The following RPGRIP1 variants were observed in gnomAD, a reference collection of about 807,000 sequenced individuals.
The protein encoded by RPGRIP1 is RPGR interacting protein 1, also known as X-linked retinitis pigmentosa GTPase regulator-interacting protein 1.
Under a neutral mutation model 157.9 loss-of-function variants are expected in RPGRIP1, and 128 were observed. The observed-to-expected ratio is 0.81, with a 90% CI of 0.70 to 0.94. RPGRIP1 has a LOEUF of 0.94. RPGRIP1 is among the 40% of genes least tolerant of loss of function. The pLI is 0.00. For missense variants in RPGRIP1, 1,486 were observed against 1,545.8 expected (o/e 0.96, Z 0.65); for synonymous variants, 554 against 571.6 (o/e 0.97, Z 0.44).
intron 21 of RPGRIP1, among the ~76,000 whole-genome samples, chr14:21,335,174 G>A (rs1279516995): frequency 6.6e-6 from 1 of 151,860 alleles, no homozygotes; most frequent in African/African-American, 2.4e-5. Context: ...TATGTTTCGT[G>A]TGAATGAAGG....
chr14:21,329,571 G>A (rs1005755753), intron 19 of RPGRIP1, among the ~76,000 whole-genome samples: 1 of 146,176 alleles, frequency 6.8e-6, no homozygotes, highest in Non-Finnish European at 1.5e-5. Context: ...GCATGACCTC[G>A]GCTCACTGCA....
At chr14:21,323,336 C>T (rs141867857) in intron 14 of RPGRIP1, among the ~76,000 whole-genome samples, 3,978 of 151,932 alleles carry the variant, frequency 0.026, 170 homozygotes, top group African/African-American at 0.091. Flanking sequence ...ACAGGAGAAT[C>T]GCTTGAACCC....
chr14:21,345,073 G>A (rs1885425912), intron 22 of RPGRIP1, 40 bp from the exon 23 acceptor site: 1 of 1,312,264 alleles, frequency 7.6e-7, no homozygotes, highest in Non-Finnish European at 1.1e-6. Flanking sequence ...CACTGCAACA[G>A]TATATGATTC....
intron 23 of RPGRIP1, among the ~76,000 whole-genome samples, chr14:21,347,739 T>C (rs2139363624): frequency 6.6e-6 from 1 of 152,294 alleles, no homozygotes; most frequent in South Asian, 2.1e-4. Context: ...TTTTTCTTTT[T>C]TCTTTTAGAG....
chr14:21,317,818 G>C lies in RPGRIP1; in HGVS notation c.1274G>C (p.Arg425Thr). ...DQLDAELEDK[R>T]KVLLELSREK... The stretch of plus-strand genomic sequence containing the variant: ...CTGGATGCTGAGCTGGAGGACAAGA[G>C]AAAAGTTTTACTTGAGCTGTCCAGG... The change falls in exon 11 of 25, where the codon AGA (arginine) becomes ACA (threonine). Residue 425 changes from arginine (R) to threonine (T), a missense_variant. Physicochemically the swap from Arg to Thr is moderately conservative, Grantham distance 71 (BLOSUM62 -1). Coordinates refer to ENST00000400017, the MANE Select transcript of RPGRIP1 (RefSeq NM_020366.4). 1 of 1,606,694 alleles carries C rather than the reference G, an allele frequency of 6.2e-7. No individual in the cohort carries two copies. The highest frequency in any genetic ancestry group is 8.5e-7 in the Non-Finnish European group (1 of 1,176,640).
intron 11 of RPGRIP1, chr14:21,318,158 G>T (rs1286909073): frequency 1.9e-6 from 1 of 514,238 alleles, no homozygotes. Flanking sequence ...TCAGGCTCGA[G>T]TGCAATGGCA....
intron 2 of RPGRIP1, among the ~76,000 whole-genome samples, chr14:21,293,815 C>T (rs1227123675): frequency 6.6e-6 from 1 of 151,600 alleles, no homozygotes; most frequent in Non-Finnish European, 1.5e-5. Context: ...GGAAGCGGAG[C>T]TTGCAGTGAG....
chr14:21,302,585 G>A lies in RPGRIP1; in HGVS notation c.587+1G>A. On this transcript the variant is annotated splice_donor_variant, in intron 5 of 24. Coordinates refer to ENST00000400017, the MANE Select transcript of RPGRIP1 (RefSeq NM_020366.4). LOFTEE classifies it high-confidence loss of function. ...AAGTAGCCAGTAAACCCAGTGAACT[G>A]TGAGTTCTTCTCATTTATCCCATGT... 1.3e-6 allele frequency: 2 copies of A among 1,536,296 alleles called. No individual in the cohort carries two copies. Among genetic ancestry groups the A allele is most frequent in the South Asian group, 1.2e-5 (1 of 82,114 alleles).
intron 20 of RPGRIP1, 68 bp from the exon 21 acceptor site, chr14:21,334,537 G>A: frequency 9.5e-7 from 1 of 1,049,608 alleles, no homozygotes; most frequent in South Asian, 1.4e-5. Context: ...GGAGATGTGT[G>A]TGCTGGGTCT....
chr14:21,330,668 C>CA (rs1307150998), intron 20 of RPGRIP1, among the ~76,000 whole-genome samples: 6 of 150,660 alleles, frequency 4.0e-5, no homozygotes, highest in Non-Finnish European at 7.4e-5. Flanking sequence ...GACTCCATCT[C>CA]AAAAAAAAGA....
At chr14:21,281,709 ATAAT>A (rs1880136874) in intron 1 of RPGRIP1, among the ~76,000 whole-genome samples, 2 of 144,196 alleles carry the variant, frequency 1.4e-5, no homozygotes, top group African/African-American at 5.1e-5. Context: ...AAAATAAATA[ATAAT>A]AATAATAATA....
Position 21,311,903 on chromosome 14 carries a change from G to A in RPGRIP1, c.1010G>A (p.Ser337Asn). The change falls in exon 9 of 25, where the codon AGC becomes AAC. Residue 337 changes from serine (S) to asparagine (N), a missense_variant. By Grantham distance (46) the Ser-to-Asn change is conservative. Coordinates refer to ENST00000400017, the MANE Select transcript of RPGRIP1 (RefSeq NM_020366.4). The stretch of plus-strand genomic sequence containing the variant: ...CTCAGGGCAGAGCTGAAGGAAGAAA[G>A]CAAGAAGGCTGTGAGCTTGAAGAGC... ...NELRAELKEE[S>N]KKAVSLKSQL... The A allele has an allele frequency of 6.2e-7, 1 of 1,612,980 alleles. No individual in the cohort carries two copies. Among genetic ancestry groups the A allele is most frequent in the Non-Finnish European group, 8.5e-7 (1 of 1,179,482 alleles).
At chr14:21,324,012 T>G (rs1882782285) in intron 14 of RPGRIP1, 1 of 157,314 alleles carries the variant, frequency 6.4e-6, no homozygotes, top group South Asian at 1.9e-4. Context: ...CTGCCAATAT[T>G]TCCTACCTCT....
At chr14:21,282,649 T>G (rs1174208315) in intron 1 of RPGRIP1, among the ~76,000 whole-genome samples, 2 of 120,764 alleles carry the variant, frequency 1.7e-5, no homozygotes, top group African/African-American at 3.1e-5. Flanking sequence ...TCGCTCTGTC[T>G]CCCAGGCTGG....
At chr14:21,280,408 G>A (rs1880086208) in intron 1 of RPGRIP1, among the ~76,000 whole-genome samples, 1 of 151,920 alleles carries the variant, frequency 6.6e-6, no homozygotes, top group Non-Finnish European at 1.5e-5. Flanking sequence ...CCATTGCCCG[G>A]CTAATTTTTG....
chr14:21,300,798 A>C (rs981493756), intron 3 of RPGRIP1, among the ~76,000 whole-genome samples, 168 bp from the exon 4 acceptor site: 1 of 151,080 alleles, frequency 6.6e-6, no homozygotes, highest in Admixed American at 6.6e-5. Flanking sequence ...CTGCCCTCAA[A>C]GAGTTACAGT....
chr14:21,342,351 T>A (rs1278064973), intron 21 of RPGRIP1, among the ~76,000 whole-genome samples: 1 of 152,008 alleles, frequency 6.6e-6, no homozygotes, highest in Non-Finnish European at 1.5e-5. Flanking sequence ...TAGACCATCG[T>A]GGGCAACATA....
chr14:21,350,640 A>G (rs773063574), intron 24 of RPGRIP1, among the ~76,000 whole-genome samples: 1 of 152,208 alleles, frequency 6.6e-6, no homozygotes, highest in African/African-American at 2.4e-5. Flanking sequence ...GAATAACAGC[A>G]GTCTCTATCT....
intron 2 of RPGRIP1, among the ~76,000 whole-genome samples, chr14:21,290,642 C>T (rs934515885): frequency 1.3e-5 from 2 of 152,036 alleles, no homozygotes; most frequent in Middle Eastern, 3.4e-3. Flanking sequence ...AGTGAAACCT[C>T]GTCTCTACTA....
Sources: gnomAD v4.1 joint callset for allele counts (sites outside exome capture counted in the v4.1 genomes callset) on GRCh38, gnomAD v4.1.1 for gene constraint, MANE v1.5 for transcripts, NCBI Gene and HGNC (gene_info 2026-07-23, HGNC 2026-07-21) for gene names.